The following EPHA7 variants were observed in gnomAD, a reference collection of about 807,000 sequenced individuals.
EPHA7 encodes EPH receptor A7, also known as ephrin type-A receptor 7.
EPHA7 carries 25 observed loss-of-function variants against 112.6 expected under a neutral mutation model. That is an observed-to-expected ratio of 0.22 (90% CI 0.16 to 0.31). The LOEUF is 0.31. Ranked by LOEUF, EPHA7 falls within the 10% of genes least tolerant of loss-of-function variation. The pLI is 1.00. For missense variants in EPHA7, 962 were observed against 1,212.6 expected, an observed-to-expected ratio of 0.79 and a Z score of 3.07; for synonymous variants, 437 against 406.5, an observed-to-expected ratio of 1.07 and a Z score of -0.90.
At chr6:93,290,602 C>T (rs1447779059) in intron 5 of EPHA7, among the ~76,000 whole-genome samples, 1 of 151,932 alleles carries the variant, frequency 6.6e-6, no homozygotes, top group Non-Finnish European at 1.5e-5. Flanking sequence ...TCCTTTCTTT[C>T]CTCTCTCTCT....
Position 93,240,552 on chromosome 6 carries a change from T to C in EPHA7, c.*2874A>G. 9.1e-6 allele frequency: 2 copies of C among 220,434 alleles called. No individual in the cohort carries two copies. The highest frequency in any genetic ancestry group is 1.2e-4 in the Admixed American group (2 of 17,294). The allele number at this position is 220,434 out of a possible 1,614,324, so 13.7% of individuals were successfully genotyped here. ...ACCAGATCAATTGCTGAGAAAATGT[T>C]AGATTCAAATGTAGAACAAGTTACT... On this transcript the variant is annotated 3_prime_UTR_variant, in exon 17 of 17. Coordinates refer to ENST00000369303, the MANE Select transcript of EPHA7 (RefSeq NM_004440.4).
chr6:93,415,765 G>A (rs1779190782), intron 1 of EPHA7, among the ~76,000 whole-genome samples: 1 of 151,988 alleles, frequency 6.6e-6, no homozygotes, highest in Admixed American at 6.6e-5. Flanking sequence ...TTTTAAGTAT[G>A]TCAATAGGCT....
intron 3 of EPHA7, among the ~76,000 whole-genome samples, chr6:93,394,849 A>AC (rs1271490007): frequency 1.3e-5 from 2 of 151,838 alleles, no homozygotes; most frequent in African/African-American, 4.8e-5. Flanking sequence ...CTATGCTTTA[A>AC]CCTATCTTTT....
rs554756528 is a variant in EPHA7 at position 93,349,024 on chromosome 6, C to T, written c.1324+7693G>A. ...TTCTCTTAAACTTACATGATAAATT[C>T]GGAATGTGAAGATACTGTGCAAACA... is the stretch of plus-strand genomic sequence containing the variant. On this transcript the variant is annotated intron_variant, in intron 5 of 16. Transcript: ENST00000369303. Among the ~76,000 whole-genome samples the T allele has an allele frequency of 1.1e-3, 160 of 151,696 alleles. 2 individuals are homozygous for T. The South Asian group carries it at 0.017, about 16-fold the overall frequency.
chr6:93,324,636 C>T (rs1468735047), intron 5 of EPHA7, among the ~76,000 whole-genome samples: 2 of 151,304 alleles, frequency 1.3e-5, no homozygotes, highest in Admixed American at 6.6e-5. Flanking sequence ...AAAAAATATG[C>T]GTGTAAGTGT....
At chr6:93,403,675 A>T (rs530505621) in intron 3 of EPHA7, among the ~76,000 whole-genome samples, 2 of 151,900 alleles carry the variant, frequency 1.3e-5, no homozygotes, top group African/African-American at 4.8e-5. Flanking sequence ...AAAAAAAAAA[A>T]AAGAAAAAGG....
intron 5 of EPHA7, among the ~76,000 whole-genome samples, chr6:93,348,301 C>CA (rs1271225622): frequency 6.7e-5 from 10 of 149,434 alleles, no homozygotes; most frequent in East Asian, 2.0e-4. Flanking sequence ...GTCACCAAAC[C>CA]AAAAAAAATA....
At chr6:93,245,223 G>A (rs1169114662) in intron 16 of EPHA7, 75 bp downstream of exon 16, 1 of 1,331,810 alleles carries the variant, frequency 7.5e-7, no homozygotes. Context: ...TTAATATAAA[G>A]AAGATAACCT....
chr6:93,374,852 A>C (rs77353764), intron 3 of EPHA7, among the ~76,000 whole-genome samples: 1 of 152,230 alleles, frequency 6.6e-6, no homozygotes, highest in Admixed American at 6.5e-5. Flanking sequence ...AGTGTTTGGC[A>C]CACAGTAAGT....
intron 5 of EPHA7, among the ~76,000 whole-genome samples, chr6:93,328,267 A>G (rs776142402): frequency 4.0e-5 from 6 of 151,504 alleles, no homozygotes; most frequent in Non-Finnish European, 7.4e-5. Flanking sequence ...GAACAACATC[A>G]TCTAATTTTT....
In EPHA7 at chr6:93,258,148, C is replaced by G. The variant is rs745749351; in HGVS notation, c.2061G>C (p.Gly687=). ...RDFLCEASIM[G]QFDHPNVVHL... Reference sequence around the variant, plus strand: ...GGACAACATTCGGGTGGTCAAACTGCCCCATGATGCTTGCTTCACACAAAA... The same window carrying G: ...GGACAACATTCGGGTGGTCAAACTGGCCCATGATGCTTGCTTCACACAAAA... The change falls in exon 11 of 17, where the codon GGG becomes GGC. Residue 687 remains glycine, a synonymous_variant. Transcript: ENST00000369303. 6.2e-6 allele frequency: 10 copies of G among 1,613,394 alleles called. No individual in the cohort carries two copies. In the African/African-American group the frequency reaches 1.3e-4, roughly 22 times the overall value.
intron 16 of EPHA7, among the ~76,000 whole-genome samples, chr6:93,244,722 T>C (rs1769868870): frequency 6.6e-6 from 1 of 152,208 alleles, no homozygotes; most frequent in Non-Finnish European, 1.5e-5. Flanking sequence ...AAAAAGTAAG[T>C]TGAACTCTTA....
At chr6:93,316,333 A>AT (rs1451567307) in intron 5 of EPHA7, among the ~76,000 whole-genome samples, 1 of 152,136 alleles carries the variant, frequency 6.6e-6, no homozygotes, top group East Asian at 1.9e-4. Context: ...TCATTTTAAG[A>AT]TTTTCATTTT....
At chr6:93,341,346 GACT>G (rs1029750038) in intron 5 of EPHA7, among the ~76,000 whole-genome samples, 126 of 151,680 alleles carry the variant, frequency 8.3e-4, no homozygotes, top group African/African-American at 2.7e-3. Flanking sequence ...CATAAAATAA[GACT>G]ACAACAGAAG....
chr6:93,310,394 C>T (rs1186647266), intron 5 of EPHA7, among the ~76,000 whole-genome samples: 1 of 152,162 alleles, frequency 6.6e-6, no homozygotes, highest in African/African-American at 2.4e-5. Context: ...AGGCTGGGTG[C>T]GGTGGCTCAC....
intron 3 of EPHA7, among the ~76,000 whole-genome samples, chr6:93,393,237 T>C (rs1777996502): frequency 1.3e-5 from 2 of 151,912 alleles, no homozygotes; most frequent in Non-Finnish European, 2.9e-5. Flanking sequence ...TCTCAAACCA[T>C]AGCCCTCAGC....
chr6:93,408,075 C>G (rs1032676837), intron 3 of EPHA7, among the ~76,000 whole-genome samples: 1 of 151,860 alleles, frequency 6.6e-6, no homozygotes, highest in Non-Finnish European at 1.5e-5. Context: ...CACAAAAACC[C>G]GTAATCTTCT....
intron 5 of EPHA7, among the ~76,000 whole-genome samples, chr6:93,299,146 G>A (rs1193510739): frequency 4.0e-5 from 6 of 151,860 alleles, no homozygotes; most frequent in East Asian, 1.9e-4. Flanking sequence ...CTAACACAGT[G>A]AAACCTCATC....
intron 3 of EPHA7, among the ~76,000 whole-genome samples, chr6:93,366,305 T>A (rs1194622996): frequency 6.6e-6 from 1 of 152,214 alleles, no homozygotes; most frequent in East Asian, 1.9e-4. Context: ...TTTACTAGCA[T>A]ACAATTGGGG....
Sources: gnomAD v4.1 joint callset for allele counts (sites outside exome capture counted in the v4.1 genomes callset) on GRCh38, gnomAD v4.1.1 for gene constraint, MANE v1.5 for transcripts, NCBI Gene and HGNC (gene_info 2026-07-23, HGNC 2026-07-21) for gene names.